The following DGKB variants were observed in gnomAD, a reference collection of about 807,000 sequenced individuals.
DGKB encodes diacylglycerol kinase beta.
Under a neutral mutation model 114.3 loss-of-function variants are expected in DGKB, and 67 were observed. That is an observed-to-expected ratio of 0.59 (90% CI 0.48 to 0.72). The LOEUF is 0.72. Among genes scored for constraint, DGKB ranks in the 30% least tolerant of loss-of-function variants. The pLI, the probability that DGKB is intolerant of heterozygous loss-of-function variation, is 0.00. For missense variants in DGKB, 907 were observed against 975.2 expected (o/e 0.93, Z 0.93); for synonymous variants, 398 against 323.1 (o/e 1.23, Z -2.49).
At chr7:14,170,383 TC>T (rs1379020808) in intron 25 of DGKB, among the ~76,000 whole-genome samples, 1 of 152,064 alleles carries the variant, frequency 6.6e-6, no homozygotes, top group African/African-American at 2.4e-5. Context: ...TTTACTGACA[TC>T]TTAGGGTTGC....
chr7:14,165,793 C>T (rs1019012422), intron 25 of DGKB, among the ~76,000 whole-genome samples: 15 of 152,232 alleles, frequency 9.9e-5, no homozygotes, highest in South Asian at 6.2e-4. Flanking sequence ...TGCTTCTTCA[C>T]GTAGATGCCC....
At chr7:14,939,232 T>C (rs1785430693) in intron 1 of DGKB, among the ~76,000 whole-genome samples, 1 of 152,188 alleles carries the variant, frequency 6.6e-6, no homozygotes, top group Non-Finnish European at 1.5e-5. Flanking sequence ...TCTTATTGTA[T>C]ATGTTTTATA....
At chr7:14,463,172 C>T (rs940945386) in intron 21 of DGKB, among the ~76,000 whole-genome samples, 3 of 151,394 alleles carry the variant, frequency 2.0e-5, no homozygotes, top group African/African-American at 7.3e-5. Flanking sequence ...TGTTCTCACT[C>T]ATAAGTGGGA....
intron 16 of DGKB, among the ~76,000 whole-genome samples, chr7:14,612,989 A>C (rs1805843637): frequency 6.6e-6 from 1 of 152,108 alleles, no homozygotes; most frequent in African/African-American, 2.4e-5. Context: ...TCGGTTCCTC[A>C]GTACTGAATT....
At chr7:14,265,893 G>A (rs1797441817) in intron 23 of DGKB, among the ~76,000 whole-genome samples, 2 of 152,240 alleles carry the variant, frequency 1.3e-5, no homozygotes, top group East Asian at 3.9e-4. Context: ...TTTCCAAATT[G>A]GGGTGTTTAT....
At position 14,302,908 on chromosome 7, in the gene DGKB, G is replaced by A. The variant is rs141148584; in HGVS notation, c.2122+35607C>T. ...TTGGTTTTTATTCTCAGCACTAAATGAATCATAGGCCAACGAAAATTATTT... is the reference window on the plus strand; with the variant it reads ...TTGGTTTTTATTCTCAGCACTAAATAAATCATAGGCCAACGAAAATTATTT... On this transcript the variant is annotated intron_variant, in intron 23 of 25. Coordinates refer to ENST00000402815, the MANE Select transcript of DGKB (RefSeq NM_001350709.2). Among the ~76,000 whole-genome samples the A allele has an allele frequency of 1.7e-4, 26 of 152,192 alleles. No individual in the cohort carries two copies. The East Asian group carries it at 5.0e-3, about 29-fold the overall frequency.
chr7:14,385,188 G>A lies in DGKB; in HGVS notation c.1836-39797C>T, dbSNP rs145906058. On this transcript the variant is annotated intron_variant, in intron 21 of 25. Coordinates refer to ENST00000402815, the MANE Select transcript of DGKB (RefSeq NM_001350709.2). ...CACAGTGTTTCACACACAATGTCAC[G>A]CATGCTGTATGCTAACTCCTGAGTT... Among the ~76,000 whole-genome samples the A allele has an allele frequency of 9.0e-3, 1,374 of 152,060 alleles. 22 individuals carry two copies. The highest frequency in any genetic ancestry group is 0.013 in the Non-Finnish European group (856 of 67,998).
chr7:14,362,634 T>C (rs1456896209), intron 21 of DGKB, among the ~76,000 whole-genome samples: 1 of 130,770 alleles, frequency 7.6e-6, no homozygotes, highest in East Asian at 2.1e-4. Flanking sequence ...TCTTAGAGTG[T>C]ATATACAATA....
chr7:14,354,267 A>G (rs1814047026), intron 21 of DGKB, among the ~76,000 whole-genome samples: 3 of 152,222 alleles, frequency 2.0e-5, no homozygotes, highest in South Asian at 4.1e-4. Context: ...GCTGTAGTTT[A>G]TTTAATTGAA....
intron 20 of DGKB, among the ~76,000 whole-genome samples, chr7:14,524,489 C>T (rs916706415): frequency 6.6e-6 from 1 of 152,192 alleles, no homozygotes; most frequent in Non-Finnish European, 1.5e-5. Context: ...GGCGCAGTGG[C>T]TCATGCCTGT....
chr7:14,295,762 T>A (rs1802434616), intron 23 of DGKB, among the ~76,000 whole-genome samples: 1 of 152,194 alleles, frequency 6.6e-6, no homozygotes, highest in East Asian at 1.9e-4. Context: ...ACATGCAGGT[T>A]TGCTACATAG....
At chr7:14,300,166 A>C (rs1803274142) in intron 23 of DGKB, among the ~76,000 whole-genome samples, 3 of 152,148 alleles carry the variant, frequency 2.0e-5, no homozygotes, top group African/African-American at 7.2e-5. Flanking sequence ...ATCCTACGTT[A>C]CATAAAGAGT....
rs149308223 is a variant in DGKB at position 14,956,632 on chromosome 7, C to T, written c.-188+18064G>A. ...AAGACAGCTTCTTAACCTCTAGAAG[C>T]TCTTAGCTTTCAGCAAAATTTCATT... On this transcript the variant is annotated intron_variant, in intron 1 of 4. Transcript: ENST00000437998. 4.3e-3 allele frequency among the ~76,000 whole-genome samples: 657 copies of T among 152,052 alleles called. 7 individuals carry two copies. Among genetic ancestry groups the T allele is most frequent in the African/African-American group, 0.015 (608 of 41,500 alleles).
At chr7:14,635,924 T>C (rs1351680483) in intron 13 of DGKB, among the ~76,000 whole-genome samples, 1 of 151,634 alleles carries the variant, frequency 6.6e-6, no homozygotes, top group Non-Finnish European at 1.5e-5. Flanking sequence ...CTTTCCAGAA[T>C]ACAAATATAG....
At chr7:14,933,712 AC>A in intron 1 of DGKB, among the ~76,000 whole-genome samples, 1 of 152,278 alleles carries the variant, frequency 6.6e-6, no homozygotes, top group Middle Eastern at 3.4e-3. Context: ...AATTTTAGGA[AC>A]CTGTAAAGTT....
At chr7:14,920,621 A>G (rs1477191918) in intron 1 of DGKB, among the ~76,000 whole-genome samples, 4 of 152,310 alleles carry the variant, frequency 2.6e-5, no homozygotes, top group Middle Eastern at 6.8e-3. Context: ...GTCTTATCAT[A>G]TGATCCAGCA....
intron 25 of DGKB, among the ~76,000 whole-genome samples, chr7:14,164,302 G>T (rs17167937): frequency 0.036 from 5,451 of 152,098 alleles, 118 homozygotes; most frequent in African/African-American, 0.051. Flanking sequence ...CTTTAAAAAC[G>T]GTGTGTCTAC....
chr7:14,950,311 G>A (rs1786116595), intron 1 of DGKB, among the ~76,000 whole-genome samples: 1 of 151,606 alleles, frequency 6.6e-6, no homozygotes, highest in African/African-American at 2.4e-5. Flanking sequence ...AGAAGTAATA[G>A]CTCAAATTAA....
At chr7:14,568,412 C>G (rs950397702) in intron 20 of DGKB, among the ~76,000 whole-genome samples, 1 of 152,088 alleles carries the variant, frequency 6.6e-6, no homozygotes, top group African/African-American at 2.4e-5. Context: ...AGCTTTCTTA[C>G]AATTATGTGC....
Sources: gnomAD v4.1 joint callset for allele counts (sites outside exome capture counted in the v4.1 genomes callset) on GRCh38, gnomAD v4.1.1 for gene constraint, MANE v1.5 for transcripts, NCBI Gene and HGNC (gene_info 2026-07-23, HGNC 2026-07-21) for gene names.